Variants in MAML3 observed in about 807,000 individuals in gnomAD.
MAML3 encodes the protein mastermind like transcriptional coactivator 3.
A neutral mutation model predicts 101.9 loss-of-function variants in MAML3; 27 were observed. The ratio of observed to expected loss-of-function variants is 0.27; its 90% CI spans 0.20 to 0.37. The LOEUF is 0.37. Among genes scored for constraint, MAML3 ranks in the 10% least tolerant of loss-of-function variants. The pLI is 1.00. For synonymous variants in MAML3, 501 were observed against 555.9 expected, an observed-to-expected ratio of 0.90 and a Z score of 1.39; for missense variants, 1,316 against 1,444.9, an observed-to-expected ratio of 0.91 and a Z score of 1.45.
intron 1 of MAML3, among the ~76,000 whole-genome samples, chr4:139,923,882 G>T (rs971317274): frequency 1.3e-5 from 2 of 152,014 alleles, no homozygotes; most frequent in Non-Finnish European, 2.9e-5. Context: ...GGAAGAGAAC[G>T]TTGCAAAAGA....
chr4:139,783,921 TAC>T (rs1357849226), intron 2 of MAML3, among the ~76,000 whole-genome samples: 2 of 152,194 alleles, frequency 1.3e-5, no homozygotes, highest in Non-Finnish European at 2.9e-5. Flanking sequence ...GGCTCTTCAT[TAC>T]GCATTTAGCG....
chr4:139,741,156 A>G (rs1163188117), intron 2 of MAML3, among the ~76,000 whole-genome samples: 1 of 152,176 alleles, frequency 6.6e-6, no homozygotes, highest in East Asian at 1.9e-4. Context: ...TAGAGCAGGG[A>G]AAAACAAGGA....
chr4:140,035,148 A>G (rs1277033488), intron 1 of MAML3, among the ~76,000 whole-genome samples: 4 of 151,868 alleles, frequency 2.6e-5, no homozygotes, highest in Non-Finnish European at 5.9e-5. Flanking sequence ...ATTTTTTCGT[A>G]TTTTTAGTTG....
chr4:140,093,565 C>T (rs533682252), intron 1 of MAML3, among the ~76,000 whole-genome samples: 168 of 151,986 alleles, frequency 1.1e-3, no homozygotes, highest in African/African-American at 3.8e-3. Context: ...TACAGGCACC[C>T]GCCACCACGC....
At chr4:139,917,059 A>G (rs1304559030) in intron 1 of MAML3, among the ~76,000 whole-genome samples, 1 of 152,202 alleles carries the variant, frequency 6.6e-6, no homozygotes, top group Non-Finnish European at 1.5e-5. Flanking sequence ...AGAAAACTGT[A>G]TGCAGAATTT....
chr4:140,138,717 G>C (rs1325018458), intron 1 of MAML3, among the ~76,000 whole-genome samples: 1 of 152,176 alleles, frequency 6.6e-6, no homozygotes, highest in Non-Finnish European at 1.5e-5. Flanking sequence ...ATTAGAACTG[G>C]GCACAAAAGG....
At chr4:140,140,951 G>A (rs1171255620) in intron 1 of MAML3, among the ~76,000 whole-genome samples, 1 of 152,168 alleles carries the variant, frequency 6.6e-6, no homozygotes, top group African/African-American at 2.4e-5. Context: ...CCTGAATTGT[G>A]GCTCCTGTTC....
chr4:139,932,424 A>C (rs180704269), intron 1 of MAML3, among the ~76,000 whole-genome samples: 1 of 152,362 alleles, frequency 6.6e-6, no homozygotes, highest in Non-Finnish European at 1.5e-5. Context: ...CTTCGTTAAC[A>C]GGGACTTGGA....
intron 1 of MAML3, among the ~76,000 whole-genome samples, chr4:139,892,299 C>T (rs1439558429): frequency 1.3e-5 from 2 of 152,202 alleles, no homozygotes; most frequent in African/African-American, 4.8e-5. Flanking sequence ...TCACTGTTCC[C>T]CATCTCAGTA....
At position 139,719,256 on chromosome 4, in the gene MAML3, C is replaced by T; in HGVS notation, c.*67G>A. On this transcript the variant is annotated 3_prime_UTR_variant, in exon 5 of 5. Coordinates refer to ENST00000509479, the MANE Select transcript of MAML3 (RefSeq NM_018717.5). ...AAAACAAAAAACAAGGATGGGTCAA[C>T]ATCCTGTTTCTTTTTCACTTTTTAA... 1 of 1,499,700 alleles carries T rather than the reference C, an allele frequency of 6.7e-7. No homozygotes were observed. Among genetic ancestry groups the T allele is most frequent in the South Asian group, 1.4e-5 (1 of 72,826 alleles). The allele number at this position is 1,499,700 out of a possible 1,614,324, so 92.9% of individuals were successfully genotyped here. A position where few individuals can be genotyped will look rare whatever the true frequency, so the allele number is the denominator to read the frequency against.
chr4:139,945,036 G>C (rs921764648), intron 1 of MAML3, among the ~76,000 whole-genome samples: 1 of 152,092 alleles, frequency 6.6e-6, no homozygotes, highest in Admixed American at 6.5e-5. Context: ...ATAGCAAAGA[G>C]TTGGAACCAA....
chr4:139,884,017 G>C (rs570322252), intron 2 of MAML3, among the ~76,000 whole-genome samples: 3 of 151,356 alleles, frequency 2.0e-5, no homozygotes, highest in African/African-American at 7.3e-5. Context: ...AATTAGCTGG[G>C]ATTACAGGCA....
chr4:139,750,319 T>C (rs905451776), intron 2 of MAML3, among the ~76,000 whole-genome samples: 11 of 152,178 alleles, frequency 7.2e-5, no homozygotes, highest in African/African-American at 2.7e-4. Flanking sequence ...TGGGTCACTC[T>C]CTAGCTTCAA....
intron 1 of MAML3, among the ~76,000 whole-genome samples, chr4:140,000,124 CA>C (rs1734895690): frequency 6.6e-6 from 1 of 152,176 alleles, no homozygotes; most frequent in Non-Finnish European, 1.5e-5. Context: ...CAGTTAATCT[CA>C]GGCAAGCATC....
chr4:139,933,498 T>TAGGA (rs1733443919), intron 1 of MAML3, among the ~76,000 whole-genome samples: 1 of 152,216 alleles, frequency 6.6e-6, no homozygotes, highest in South Asian at 2.1e-4. Flanking sequence ...AAAAGCCTCC[T>TAGGA]TCTCATGCAC....
rs118063098 is a variant in MAML3, at chr4:139,727,945, G to A, written c.2332-2110C>T. ...AAAAACTGAGAGCTGGCCGGGTGCC[G>A]TGGCTCACACCTGTAACCCCAGCAC... On this transcript the variant is annotated intron_variant, in intron 3 of 4. Transcript: ENST00000509479. Among the ~76,000 whole-genome samples the A allele has an allele frequency of 4.3e-4, 66 of 152,282 alleles. No individual in the cohort carries two copies. In the East Asian group the frequency reaches 5.4e-3, roughly 12 times the overall value.
intron 2 of MAML3, among the ~76,000 whole-genome samples, chr4:139,830,454 A>G (rs6827114): frequency 0.066 from 8,768 of 131,926 alleles, 871 homozygotes; most frequent in African/African-American, 0.23. Flanking sequence ...TCGCTCCGTC[A>G]CCCAGGCTGG....
At chr4:140,060,378 A>AAAAAAAAAAAAAAAAAAAG in intron 1 of MAML3, among the ~76,000 whole-genome samples, 1 of 147,288 alleles carries the variant, frequency 6.8e-6, no homozygotes, top group African/African-American at 2.5e-5. Context: ...AAAAAAAAAA[A>AAAAAAAAAAAAAAAAAAAG]AAAAAAAGTC....
intron 2 of MAML3, among the ~76,000 whole-genome samples, chr4:139,739,681 T>C (rs1178673042): frequency 7.3e-6 from 1 of 137,212 alleles, no homozygotes; most frequent in African/African-American, 2.9e-5. Flanking sequence ...GGAAAGCAGT[T>C]TTTTTTTTTT....
Sources: gnomAD v4.1 joint callset for allele counts (sites outside exome capture counted in the v4.1 genomes callset) on GRCh38, gnomAD v4.1.1 for gene constraint, MANE v1.5 for transcripts, NCBI Gene and HGNC (gene_info 2026-07-23, HGNC 2026-07-21) for gene names.